Variants in FARP2 observed in about 807,000 individuals in gnomAD.
The protein encoded by FARP2 is FERM, ARHGEF and pleckstrin domain-containing protein 2.
FARP2 carries 111 observed loss-of-function variants against 130.5 expected under a neutral mutation model. The observed-to-expected ratio is 0.85, with a 90% CI of 0.73 to 1.00. FARP2 has a LOEUF of 1.00. Ranked by LOEUF, FARP2 falls within the 50% of genes least tolerant of loss-of-function variation. FARP2 has a pLI of 0.00. For missense variants in FARP2, 1,385 were observed against 1,346.3 expected (o/e 1.03, Z -0.45); for synonymous variants, 504 against 516.9 (o/e 0.98, Z 0.34).
intron 14 of FARP2, among the ~76,000 whole-genome samples, chr2:241,457,380 A>C (rs2063879984): frequency 7.0e-6 from 1 of 142,986 alleles, no homozygotes. Context: ...GGGAGGGTGC[A>C]CTAGGGACTG....
chr2:241,471,926 G>GGAACCCTGTTCTGTGA (rs1559802865), intron 18 of FARP2, among the ~76,000 whole-genome samples: 13 of 152,234 alleles, frequency 8.5e-5, no homozygotes, highest in South Asian at 2.1e-4. Context: ...CTGTTCTGAG[G>GGAACCCTGTTCTGTGA]GGATTATGTT....
intron 9 of FARP2, among the ~76,000 whole-genome samples, 156 bp from the exon 10 acceptor site, chr2:241,434,002 C>T (rs2063155648): frequency 6.6e-6 from 1 of 152,134 alleles, no homozygotes; most frequent in Non-Finnish European, 1.5e-5. Context: ...CGCCATTGCA[C>T]TCCAGCCTGG....
intron 7 of FARP2, among the ~76,000 whole-genome samples, chr2:241,415,599 G>A (rs1400655380): frequency 1.3e-5 from 2 of 152,174 alleles, no homozygotes; most frequent in Non-Finnish European, 2.9e-5. Context: ...GCTAGGCAGA[G>A]GGCAGATACA....
In FARP2 at chr2:241,463,479, T is replaced by G; in HGVS notation, c.1811+11T>G. On this transcript the variant is annotated intron_variant, in intron 16 of 26. Coordinates refer to ENST00000264042, the MANE Select transcript of FARP2 (RefSeq NM_014808.4). The stretch of plus-strand genomic sequence containing the variant: ...GAGGCTGGCACTCTGGTAACACCCC[T>G]TCAGCCCCCACACGGGAGACTCCCA... The G allele has an allele frequency of 1.9e-6, 3 of 1,612,182 alleles. No individual in the cohort carries two copies. Among genetic ancestry groups the G allele is most frequent in the Non-Finnish European group, 2.5e-6 (3 of 1,179,350 alleles).
intron 7 of FARP2, among the ~76,000 whole-genome samples, chr2:241,415,481 G>A (rs112571049): frequency 6.6e-6 from 1 of 152,256 alleles, no homozygotes; most frequent in African/African-American, 2.4e-5. Context: ...ATTGTGCTGC[G>A]AACTGTCCAA....
intron 13 of FARP2, among the ~76,000 whole-genome samples, chr2:241,451,532 C>T (rs1460980302): frequency 3.3e-5 from 5 of 152,058 alleles, no homozygotes; most frequent in Non-Finnish European, 7.3e-5. Context: ...TGTGTGTGGT[C>T]GGTGTGTCCT....
chr2:241,411,690 AATACCCAC>A (rs1251587711), intron 6 of FARP2, among the ~76,000 whole-genome samples: 1 of 152,200 alleles, frequency 6.6e-6, no homozygotes, highest in Non-Finnish European at 1.5e-5. Context: ...GAAAAACAGA[AATACCCAC>A]ATTGCTCCTG....
At chr2:241,397,966 A>G (rs2062071750) in intron 2 of FARP2, among the ~76,000 whole-genome samples, 1 of 151,242 alleles carries the variant, frequency 6.6e-6, no homozygotes, top group Non-Finnish European at 1.5e-5. Flanking sequence ...AGTAGCTGGG[A>G]CTACAGGCGC....
At chr2:241,410,846 G>GGTGACT in intron 5 of FARP2, 187 bp from the exon 6 acceptor site, 3 of 562,086 alleles carry the variant, frequency 5.3e-6, no homozygotes, top group Non-Finnish European at 9.7e-6. Flanking sequence ...ACCTTCACTT[G>GGTGACT]GTGACTGTTT....
chr2:241,467,069 A>G (rs1223318356), intron 17 of FARP2, among the ~76,000 whole-genome samples: 1 of 152,014 alleles, frequency 6.6e-6, no homozygotes, highest in Non-Finnish European at 1.5e-5. Flanking sequence ...AGCCTGGCCA[A>G]CATAGCAAAA....
intron 5 of FARP2, among the ~76,000 whole-genome samples, chr2:241,410,695 G>T (rs1375426125): frequency 6.6e-6 from 1 of 152,194 alleles, no homozygotes; most frequent in Non-Finnish European, 1.5e-5. Context: ...CTCCCAAAGT[G>T]CTGGGATTAC....
intron 2 of FARP2, among the ~76,000 whole-genome samples, chr2:241,396,447 C>T (rs1487613952): frequency 6.6e-6 from 1 of 152,020 alleles, no homozygotes; most frequent in African/African-American, 2.4e-5. Context: ...TGACAAAGGG[C>T]TAATATCCAG....
At chr2:241,411,817 T>C (rs1463307203) in intron 6 of FARP2, among the ~76,000 whole-genome samples, 2 of 152,178 alleles carry the variant, frequency 1.3e-5, no homozygotes, top group Non-Finnish European at 2.9e-5. Context: ...AGTATATAGG[T>C]TATTTGCAGC....
rs2062502696 is a variant in FARP2 at position 241,410,980 on chromosome 2, C to T, written c.411-53C>T. The T allele has an allele frequency of 3.3e-6, 4 of 1,225,632 alleles. No homozygotes were observed. In the Admixed American group the frequency reaches 5.8e-5, roughly 18 times the overall value. The allele number at this position is 1,225,632 out of a possible 1,614,324, so 75.9% of individuals were successfully genotyped here. ...TTGCTGTGGAGACATGTCTATGTTA[C>T]ATTCAGAGAACATTTGGAATTGATC... On this transcript the variant is annotated intron_variant, in intron 5 of 26. Coordinates refer to ENST00000264042, the MANE Select transcript of FARP2 (RefSeq NM_014808.4).
chr2:241,369,256 A>T (rs2061376527), intron 1 of FARP2, among the ~76,000 whole-genome samples: 1 of 152,164 alleles, frequency 6.6e-6, no homozygotes. Flanking sequence ...AGAGGAAGCA[A>T]TGTTAAAAAA....
intron 19 of FARP2, among the ~76,000 whole-genome samples, chr2:241,476,302 G>T (rs1036739249): frequency 2.0e-5 from 3 of 151,724 alleles, no homozygotes; most frequent in Admixed American, 6.6e-5. Context: ...TGGGAGGATC[G>T]CTTGAGCCAA....
chr2:241,453,390 A>G (rs563137701), intron 13 of FARP2, among the ~76,000 whole-genome samples: 62 of 152,066 alleles, frequency 4.1e-4, no homozygotes, highest in Non-Finnish European at 8.2e-4. Context: ...TGGGAGGCCA[A>G]GGCGGGCAGA....
Position 241,459,745 on chromosome 2 carries a change from G to A in FARP2, c.1588-2778G>A, listed in dbSNP as rs1302110063. Among the ~76,000 whole-genome samples the A allele has an allele frequency of 1.3e-5, 2 of 151,768 alleles. No homozygotes were observed. Among genetic ancestry groups the A allele is most frequent in the Non-Finnish European group, 2.9e-5 (2 of 67,994 alleles). On this transcript the variant is annotated intron_variant, in intron 14 of 26. Coordinates refer to ENST00000264042, the MANE Select transcript of FARP2 (RefSeq NM_014808.4). This position sits in a 1 kb window ranked among gnomAD's most constrained non-coding sequence, Gnocchi z 5.3. The stretch of plus-strand genomic sequence containing the variant: ...GGTCAGGTTTGACATTGATCTAGAG[G>A]TGGGGGCAGCGTGGCAGCTGCTGTA...
chr2:241,364,435 T>C (rs1368515028), intron 1 of FARP2, among the ~76,000 whole-genome samples: 1 of 152,216 alleles, frequency 6.6e-6, no homozygotes, highest in Non-Finnish European at 1.5e-5. Context: ...AGAATTCTGG[T>C]GAGTTACATT....
Sources: gnomAD v4.1 joint callset for allele counts (sites outside exome capture counted in the v4.1 genomes callset) on GRCh38, gnomAD v4.1.1 for gene constraint, Gnocchi (gnomAD v3.1) non-coding constraint, MANE v1.5 for transcripts, NCBI Gene and HGNC (gene_info 2026-07-23, HGNC 2026-07-21) for gene names.